HMOX2: variants seen among roughly 807,000 people sequenced by gnomAD.
The protein encoded by HMOX2 is heme oxygenase (decycling) 2.
A neutral mutation model predicts 33.7 loss-of-function variants in HMOX2; 30 were observed. The observed-to-expected ratio is 0.89, with a 90% CI of 0.67 to 1.21. The LOEUF is 1.21. HMOX2 is among the 50% of genes most tolerant of loss of function. HMOX2 has a pLI of 0.00. For missense variants in HMOX2, 403 were observed against 399.1 expected, an observed-to-expected ratio of 1.01 and a Z score of -0.08; for synonymous variants, 155 against 155.0, an observed-to-expected ratio of 1.00 and a Z score of 0.00.
At chr16:4,489,252 C>T (rs2058249406) in intron 1 of HMOX2, among the ~76,000 whole-genome samples, 1 of 152,138 alleles carries the variant, frequency 6.6e-6, no homozygotes, top group African/African-American at 2.4e-5. Flanking sequence ...GCATCAAATG[C>T]TTATTCCCCC....
chr16:4,475,763 C>T (rs976540837), upstream of HMOX2, among the ~76,000 whole-genome samples: 6 of 151,588 alleles, frequency 4.0e-5, no homozygotes, highest in African/African-American at 1.5e-4. Context: ...CATGGTGAAA[C>T]CCCCGTCTCT....
At chr16:4,498,055 C>T (rs1232444380) in intron 1 of HMOX2, among the ~76,000 whole-genome samples, 1 of 142,776 alleles carries the variant, frequency 7.0e-6, no homozygotes, top group Non-Finnish European at 1.5e-5. Context: ...TTCCAGGATT[C>T]ATTGTCTTTT....
At chr16:4,493,181 A>C (rs977924208) in intron 1 of HMOX2, among the ~76,000 whole-genome samples, 4 of 152,008 alleles carry the variant, frequency 2.6e-5, no homozygotes, top group Non-Finnish European at 4.4e-5. Flanking sequence ...CCACAACTGC[A>C]TGCCACTCCC....
intron 1 of HMOX2, among the ~76,000 whole-genome samples, chr16:4,487,801 AT>A (rs1418570822): frequency 6.6e-6 from 1 of 151,254 alleles, no homozygotes; most frequent in African/African-American, 2.4e-5. Context: ...AAAAAAAAAA[AT>A]TAGCCGGGCG....
intron 3 of HMOX2, 30 bp from the exon 4 acceptor site, chr16:4,507,683 A>G: frequency 6.2e-7 from 1 of 1,603,120 alleles, no homozygotes. Flanking sequence ...GTGCTCAGGC[A>G]TAGCTGGCCT....
At chr16:4,504,125 A>T (rs1333836193) in intron 1 of HMOX2, among the ~76,000 whole-genome samples, 1 of 152,148 alleles carries the variant, frequency 6.6e-6, no homozygotes, top group African/African-American at 2.4e-5. Flanking sequence ...ATGGGAATTG[A>T]TTGGCCAACT....
At chr16:4,509,604 G>A (rs753413469) in intron 5 of HMOX2, 25 bp from the exon 6 acceptor site, 4 of 1,613,678 alleles carry the variant, frequency 2.5e-6, no homozygotes, top group Admixed American at 3.3e-5. Flanking sequence ...CTGATGCCAT[G>A]TCTCCTATTG....
intron 1 of HMOX2, chr16:4,481,954 G>C (rs963732053): frequency 6.6e-6 from 1 of 152,222 alleles, no homozygotes; most frequent in Non-Finnish European, 1.5e-5. Context: ...TTTGACGGCA[G>C]ATGAAAAAGC....
chr16:4,492,857 G>T (rs1176658723), intron 1 of HMOX2, among the ~76,000 whole-genome samples: 5 of 152,078 alleles, frequency 3.3e-5, no homozygotes, highest in Non-Finnish European at 7.4e-5. Flanking sequence ...GGCAACATGG[G>T]AATACCCTGG....
At chr16:4,507,159 T>A in intron 3 of HMOX2, 147 bp downstream of exon 3, 1 of 680,268 alleles carries the variant, frequency 1.5e-6, no homozygotes, top group Non-Finnish European at 2.7e-6. Flanking sequence ...AAGCTCTGGC[T>A]CTCGGCTGGG....
chr16:4,481,265 C>T (rs1428099216), intron 1 of HMOX2, among the ~76,000 whole-genome samples: 1 of 147,652 alleles, frequency 6.8e-6, no homozygotes, highest in Non-Finnish European at 1.5e-5. Flanking sequence ...AGGAGAATGG[C>T]GGGAACCCGG....
At chr16:4,478,907 C>T (rs1385181042) in intron 1 of HMOX2, among the ~76,000 whole-genome samples, 1 of 152,176 alleles carries the variant, frequency 6.6e-6, no homozygotes, top group Non-Finnish European at 1.5e-5. Flanking sequence ...GTAATCCCAG[C>T]ACTTTGGGAG....
intron 1 of HMOX2, among the ~76,000 whole-genome samples, chr16:4,490,982 G>C (rs2058292088): frequency 6.6e-6 from 1 of 152,116 alleles, no homozygotes; most frequent in South Asian, 2.1e-4. Flanking sequence ...TAGTATCCCT[G>C]ACCTCTACCC....
intron 3 of HMOX2, 31 bp downstream of exon 3, chr16:4,507,043 C>T: frequency 7.0e-7 from 1 of 1,425,278 alleles, no homozygotes. Flanking sequence ...TCCAGACTGT[C>T]ATATGGGGTT....
chr16:4,493,220 C>CA lies in HMOX2; in HGVS notation c.-41-12257dup, dbSNP rs2058345164. On this transcript the variant is annotated intron_variant, in intron 1 of 5. Transcript: ENST00000570646. The stretch of plus-strand genomic sequence containing the variant: ...ACCCCCGTCTGCCTACCAGCTAATT[C>CA]AAAAAAATTTTTTTTTGTAGAGATG... 2.0e-5 allele frequency among the ~76,000 whole-genome samples: 3 copies of CA among 151,924 alleles called. No individual in the cohort carries two copies. In the East Asian group the frequency reaches 5.8e-4, roughly 29 times the overall value.
At chr16:4,507,042 T>G in intron 3 of HMOX2, 30 bp downstream of exon 3, 1 of 1,429,864 alleles carries the variant, frequency 7.0e-7, no homozygotes. Flanking sequence ...TTCCAGACTG[T>G]CATATGGGGT....
At chr16:4,491,780 C>G (rs1228788154) in intron 1 of HMOX2, among the ~76,000 whole-genome samples, 1 of 151,896 alleles carries the variant, frequency 6.6e-6, no homozygotes. Context: ...ATGATCTCGG[C>G]TCACTGCAAC....
Position 4,509,502 on chromosome 16 carries a change from C to A in HMOX2, c.787C>A (p.Arg263Ser). 4 of 1,614,172 alleles carry A rather than the reference C, an allele frequency of 2.5e-6. No individual in the cohort carries two copies. The highest frequency in any genetic ancestry group is 3.4e-6 in the Non-Finnish European group (4 of 1,180,038). The change falls in exon 5 of 6, where the codon CGT (arginine) becomes AGT (serine). Residue 263 changes from arginine to serine, a missense_variant. Arg to Ser is a moderately radical substitution (Grantham distance 110, BLOSUM62 -1). Transcript: ENST00000570646. ...FPVHDGKGDM[R>S]KCPFYAAEQD... The stretch of plus-strand genomic sequence containing the variant: ...TGTACACGATGGGAAAGGAGACATG[C>A]GTAAATGCCCTTTCTACGCTGCTGA...
At chr16:4,492,116 T>G (rs7192051) in intron 1 of HMOX2, among the ~76,000 whole-genome samples, 20,240 of 151,986 alleles carry the variant, frequency 0.13, 2,980 homozygotes, top group African/African-American at 0.36. Context: ...GTGATAGGAT[T>G]CCTTGAGGCT....
Sources: allele counts gnomAD v4.1 joint callset (sites outside exome capture counted in the v4.1 genomes callset), GRCh38; gene constraint gnomAD v4.1.1; transcripts MANE v1.5; gene names NCBI Gene and HGNC (gene_info 2026-07-23, HGNC 2026-07-21).